Variants in L3MBTL4 observed in about 807,000 individuals in gnomAD.
L3MBTL4 encodes lethal(3)malignant brain tumor-like protein 4.
Under a neutral mutation model 84.5 loss-of-function variants are expected in L3MBTL4, and 70 were observed. The observed-to-expected ratio is 0.83, with a 90% CI of 0.68 to 1.01. L3MBTL4 has a LOEUF of 1.01. Among genes scored for constraint, L3MBTL4 ranks in the 50% least tolerant of loss-of-function variants. The pLI, the probability that L3MBTL4 is intolerant of heterozygous loss-of-function variation, is 0.00. For missense variants in L3MBTL4, 715 were observed against 754.8 expected (o/e 0.95, Z 0.62); for synonymous variants, 274 against 259.8 (o/e 1.05, Z -0.52).
At chr18:6,122,844 T>C (rs1303979570) in intron 14 of L3MBTL4, among the ~76,000 whole-genome samples, 1 of 152,220 alleles carries the variant, frequency 6.6e-6, no homozygotes, top group Non-Finnish European at 1.5e-5. Context: ...ATCTAACTCA[T>C]ATATAAGGAA....
intron 16 of L3MBTL4, among the ~76,000 whole-genome samples, chr18:6,008,383 T>C (rs552846731): frequency 1.3e-5 from 2 of 152,280 alleles, no homozygotes; most frequent in Admixed American, 1.3e-4. Flanking sequence ...CTCAACAATA[T>C]GAGATGTTAC....
chr18:6,048,334 A>G (rs1053306103), intron 16 of L3MBTL4, among the ~76,000 whole-genome samples: 1 of 152,214 alleles, frequency 6.6e-6, no homozygotes, highest in East Asian at 1.9e-4. Flanking sequence ...ATTCAATGCT[A>G]TCCCTATCAA....
At chr18:6,163,759 C>T (rs2043485720) in intron 13 of L3MBTL4, among the ~76,000 whole-genome samples, 2 of 152,192 alleles carry the variant, frequency 1.3e-5, no homozygotes. Context: ...ATGAGTGACG[C>T]AGAAGACAGG....
chr18:6,271,178 T>C (rs1390812895), intron 4 of L3MBTL4, among the ~76,000 whole-genome samples: 1 of 152,170 alleles, frequency 6.6e-6, no homozygotes, highest in African/African-American at 2.4e-5. Context: ...TTGCACACCA[T>C]GGTGAATGTG....
At chr18:6,330,522 C>T (rs1049203529) in intron 1 of L3MBTL4, among the ~76,000 whole-genome samples, 4 of 152,212 alleles carry the variant, frequency 2.6e-5, no homozygotes, top group African/African-American at 4.8e-5. Flanking sequence ...TTCCCTCTTC[C>T]ACATTTAAAG....
At chr18:6,113,545 A>G (rs1175709577) in intron 14 of L3MBTL4, among the ~76,000 whole-genome samples, 1 of 151,774 alleles carries the variant, frequency 6.6e-6, no homozygotes, top group Non-Finnish European at 1.5e-5. Context: ...CAAAATGCTG[A>G]AAGATTACAT....
chr18:6,152,567 C>T (rs572558723), intron 13 of L3MBTL4, among the ~76,000 whole-genome samples: 2 of 152,280 alleles, frequency 1.3e-5, no homozygotes, highest in Non-Finnish European at 2.9e-5. Flanking sequence ...CCATCCAAGT[C>T]CTTTGCCCAT....
chr18:6,354,348 G>A (rs1433212751), intron 1 of L3MBTL4, among the ~76,000 whole-genome samples: 3 of 152,144 alleles, frequency 2.0e-5, no homozygotes, highest in Admixed American at 1.3e-4. Context: ...AAACATCAGC[G>A]AAACTCTCTA....
intron 10 of L3MBTL4, among the ~76,000 whole-genome samples, chr18:6,229,988 G>A (rs1434155589): frequency 1.3e-5 from 2 of 152,156 alleles, no homozygotes; most frequent in South Asian, 2.1e-4. Flanking sequence ...ATTTTAGGAT[G>A]GATTTTTCTT....
At chr18:5,990,148 G>A (rs2053627057) in intron 16 of L3MBTL4, among the ~76,000 whole-genome samples, 1 of 152,310 alleles carries the variant, frequency 6.6e-6, no homozygotes, top group African/African-American at 2.4e-5. Context: ...CTTTGGGCAG[G>A]GAAGTAAGAT....
intron 16 of L3MBTL4, among the ~76,000 whole-genome samples, chr18:6,069,208 C>T (rs951860361): frequency 1.3e-5 from 2 of 152,178 alleles, no homozygotes; most frequent in East Asian, 1.9e-4. Flanking sequence ...GTGAACTTGC[C>T]ACATGGACAG....
rs149665840 is a variant in L3MBTL4 at position 5,979,033 on chromosome 18, C to G, written c.1445-9471G>C. Reference sequence around the variant, plus strand: ...ACCCCCCGGCACAGCACCTGGTACACAGAGGTGCTCAATAGCTGTTTGCTG... The same window carrying G: ...ACCCCCCGGCACAGCACCTGGTACAGAGAGGTGCTCAATAGCTGTTTGCTG... On this transcript the variant is annotated intron_variant, in intron 16 of 18. Coordinates refer to ENST00000317931, the MANE Select transcript of L3MBTL4 (RefSeq NM_001330559.2). Among the ~76,000 whole-genome samples the G allele has an allele frequency of 2.0e-5, 3 of 152,248 alleles. No individual in the cohort carries two copies. The East Asian group carries it at 5.8e-4, about 29-fold the overall frequency.
In L3MBTL4 at chr18:6,090,569, A is replaced by C. The variant is rs568252950; in HGVS notation, c.1373+2786T>G. On this transcript the variant is annotated intron_variant, in intron 15 of 18. Coordinates refer to ENST00000317931, the MANE Select transcript of L3MBTL4 (RefSeq NM_001330559.2). ...ACAAGAAGTCTGGATATATATAAAT[A>C]TATGTGTATATATATTATATATATA... is the stretch of plus-strand genomic sequence containing the variant. 2.0e-5 allele frequency among the ~76,000 whole-genome samples: 3 copies of C among 148,454 alleles called. No homozygotes were observed. In the Admixed American group the frequency reaches 2.0e-4, roughly 10 times the overall value.
At chr18:5,962,068 T>C (rs715149) in intron 17 of L3MBTL4, among the ~76,000 whole-genome samples, 56,129 of 151,938 alleles carry the variant, frequency 0.37, 10,663 homozygotes, top group East Asian at 0.5. Context: ...CTGGTGGTGC[T>C]TGAATTTTCA....
intron 16 of L3MBTL4, among the ~76,000 whole-genome samples, chr18:6,006,682 T>C (rs2054501472): frequency 6.6e-6 from 1 of 152,204 alleles, no homozygotes; most frequent in Non-Finnish European, 1.5e-5. Context: ...TCTTCACTCC[T>C]ACAACTGATC....
intron 12 of L3MBTL4, among the ~76,000 whole-genome samples, chr18:6,192,113 G>A (rs1018429665): frequency 3.3e-5 from 5 of 152,278 alleles, no homozygotes; most frequent in African/African-American, 7.2e-5. Context: ...GGTGAGGCAG[G>A]AAACAACGAA....
chr18:6,314,281 A>G (rs923651056), intron 1 of L3MBTL4, among the ~76,000 whole-genome samples: 5 of 152,232 alleles, frequency 3.3e-5, no homozygotes, highest in Non-Finnish European at 7.3e-5. Flanking sequence ...AGGAAGCCCC[A>G]AATGTCACAT....
intron 13 of L3MBTL4, among the ~76,000 whole-genome samples, chr18:6,145,866 T>C (rs966987776): frequency 1.3e-5 from 2 of 152,046 alleles, no homozygotes; most frequent in African/African-American, 4.8e-5. Flanking sequence ...TACCTTCTGG[T>C]GCCAAAGATG....
intron 13 of L3MBTL4, among the ~76,000 whole-genome samples, chr18:6,155,311 G>A (rs992164576): frequency 2.0e-5 from 3 of 152,214 alleles, no homozygotes; most frequent in African/African-American, 7.2e-5. Context: ...ATGCTATAGA[G>A]TGAGTGAGAT....
Sources: gnomAD v4.1 joint callset for allele counts (sites outside exome capture counted in the v4.1 genomes callset) on GRCh38, gnomAD v4.1.1 for gene constraint, MANE v1.5 for transcripts, NCBI Gene and HGNC (gene_info 2026-07-23, HGNC 2026-07-21) for gene names.